Variants in CELF2 observed in about 807,000 individuals in gnomAD.
CELF2 encodes CUG triplet repeat RNA-binding protein 2.
Under a neutral mutation model 62.6 loss-of-function variants are expected in CELF2, and 8 were observed. The ratio of observed to expected loss-of-function variants is 0.13; its 90% confidence interval spans 0.07 to 0.23. The LOEUF (loss-of-function observed/expected upper bound fraction) is 0.23, where lower values mean the gene tolerates loss of function less well. CELF2 is among the 10% of genes least tolerant of loss of function. The pLI is 1.00. For synonymous variants in CELF2, 258 were observed against 250.0 expected, an observed-to-expected ratio of 1.03 and a Z score of -0.30; for missense variants, 333 against 671.0, an observed-to-expected ratio of 0.50 and a Z score of 5.56.
the CELF2 span, among the ~76,000 whole-genome samples, chr10:10,778,576 T>G: frequency 4.2e-3 from 638 of 152,330 alleles, 5 homozygotes; most frequent in African/African-American, 0.014. Flanking sequence ...GTATTGCCCT[T>G]TTTATTACCC....
chr10:11,001,791 GA>G (rs1188945945), upstream of CELF2, among the ~76,000 whole-genome samples: 3 of 150,568 alleles, frequency 2.0e-5, no homozygotes, highest in East Asian at 1.9e-4. Flanking sequence ...TTTTTTTTTG[GA>G]AAAAAAGAAA....
chr10:11,036,644 C>T (rs148476081), intron 1 of CELF2, among the ~76,000 whole-genome samples: 11 of 152,250 alleles, frequency 7.2e-5, no homozygotes, highest in Middle Eastern at 3.4e-3. Context: ...TGTATTGATC[C>T]CTTTTAGCCT....
the CELF2 span, among the ~76,000 whole-genome samples, chr10:10,755,948 C>T: frequency 6.6e-6 from 1 of 152,178 alleles, no homozygotes; most frequent in Non-Finnish European, 1.5e-5. Context: ...TAATGACCAT[C>T]CCTCTGTTGT....
In CELF2 at chr10:11,232,644, G is replaced by A. The variant is rs186558866; in HGVS notation, c.354+15137G>A. ...TCCTCCTGAGATGTGCCTTGATGAT[G>A]TTGCCTTGATGATGTTGCATGGTAC... is the stretch of plus-strand genomic sequence containing the variant. On this transcript the variant is annotated intron_variant, in intron 3 of 12. Transcript: ENST00000633077. Among the ~76,000 whole-genome samples, 298 of 152,240 alleles carry A rather than the reference G, an allele frequency of 2.0e-3. 1 individual carries two copies. Among genetic ancestry groups the A allele is most frequent in the Middle Eastern group, 6.8e-3 (2 of 294 alleles).
chr10:10,630,000 G>C, the CELF2 span, among the ~76,000 whole-genome samples: 3 of 150,776 alleles, frequency 2.0e-5, no homozygotes, highest in African/African-American at 7.3e-5. Flanking sequence ...ATTATTCTGC[G>C]TTCTCCCACT....
chr10:10,487,946 C>T, the CELF2 span, among the ~76,000 whole-genome samples: 1 of 151,926 alleles, frequency 6.6e-6, no homozygotes, highest in Non-Finnish European at 1.5e-5. Flanking sequence ...AATGCATAAT[C>T]ATTACATAAT....
At chr10:10,796,820 A>G (rs2054165429), upstream of CELF2, 1 of 845,070 alleles carries the variant, frequency 1.2e-6, no homozygotes, top group African/African-American at 1.8e-5. Context: ...GCACATGATT[A>G]CGCTGTGGTC....
At chr10:10,999,712 A>G (rs891822082) in intron 2 of CELF2, among the ~76,000 whole-genome samples, 1 of 152,238 alleles carries the variant, frequency 6.6e-6, no homozygotes, top group Non-Finnish European at 1.5e-5. Context: ...GATCATATGA[A>G]TTGCCATATT....
the CELF2 span, among the ~76,000 whole-genome samples, chr10:10,513,686 C>G: frequency 6.6e-6 from 1 of 152,112 alleles, no homozygotes; most frequent in Admixed American, 6.5e-5. Flanking sequence ...TATCTTAAAT[C>G]TCTAAATTAT....
At chr10:11,249,230 T>TTA in intron 4 of CELF2, 29 bp downstream of exon 4, 1 of 1,564,658 alleles carries the variant, frequency 6.4e-7, no homozygotes, top group Non-Finnish European at 8.8e-7. Flanking sequence ...TCTTGCTTAA[T>TTA]AATAATATCT....
intron 2 of CELF2, among the ~76,000 whole-genome samples, chr10:10,955,753 C>A (rs577000007): frequency 6.6e-6 from 1 of 152,272 alleles, no homozygotes; most frequent in South Asian, 2.1e-4. Flanking sequence ...CTCTTATATA[C>A]AGCAATTTCA....
the CELF2 span, among the ~76,000 whole-genome samples, chr10:10,574,520 A>C: frequency 6.6e-6 from 1 of 152,190 alleles, no homozygotes; most frequent in African/African-American, 2.4e-5. Flanking sequence ...ATAAATTTTT[A>C]ATTCAAAGAG....
intron 1 of CELF2, among the ~76,000 whole-genome samples, chr10:11,021,399 A>C (rs979731478): frequency 6.6e-6 from 1 of 152,236 alleles, no homozygotes; most frequent in African/African-American, 2.4e-5. Context: ...AACTGGCAAA[A>C]TATCTATCAG....
the CELF2 span, among the ~76,000 whole-genome samples, chr10:10,729,606 C>A: frequency 6.6e-6 from 1 of 151,594 alleles, no homozygotes; most frequent in Non-Finnish European, 1.5e-5. Flanking sequence ...GACTCCGTTT[C>A]CAAAACAAAC....
rs1183164876 is a variant in CELF2 at position 11,306,879 on chromosome 10, C to T, written c.977-7260C>T. 2.6e-5 allele frequency among the ~76,000 whole-genome samples: 4 copies of T among 152,290 alleles called. No individual in the cohort carries two copies. In the East Asian group the frequency reaches 7.7e-4, roughly 29 times the overall value. On this transcript the variant is annotated intron_variant, in intron 9 of 12. Coordinates refer to ENST00000633077, the MANE Select transcript of CELF2 (RefSeq NM_001326342.2). This position sits in a 1 kb window ranked among gnomAD's most constrained non-coding sequence, Gnocchi z 4.4. ...ATAGGAAGCCAGGGTGTAAAGAGAC[C>T]TAATTTGCATATTGATTCATTGTCA... is the stretch of plus-strand genomic sequence containing the variant.
At position 11,191,022 on chromosome 10, in the gene CELF2, T is replaced by C. The variant is rs1396053777; in HGVS notation, c.271+25340T>C. Among the ~76,000 whole-genome samples the C allele has an allele frequency of 6.6e-6, 1 of 152,148 alleles. No individual in the cohort carries two copies. Among genetic ancestry groups the C allele is most frequent in the African/African-American group, 2.4e-5 (1 of 41,436 alleles). On this transcript the variant is annotated intron_variant, in intron 2 of 12. Transcript: ENST00000633077. The surrounding 1 kb of genome is among the most constrained non-coding windows in gnomAD (Gnocchi z 4.1). ...ATGTATTTAATGCTGCTGACCTTCA[T>C]GGACATCCTGGTCATGTGTACAGAA... is the stretch of plus-strand genomic sequence containing the variant.
chr10:11,307,207 C>T (rs1468893911), intron 9 of CELF2, among the ~76,000 whole-genome samples: 2 of 152,276 alleles, frequency 1.3e-5, no homozygotes, highest in African/African-American at 4.8e-5. Context: ...GGGCGAAGCA[C>T]TCTCTAGAAG....
the CELF2 span, among the ~76,000 whole-genome samples, chr10:10,749,304 G>A: frequency 6.6e-6 from 1 of 152,122 alleles, no homozygotes; most frequent in Non-Finnish European, 1.5e-5. Context: ...CATTACAGAA[G>A]GCATATCACC....
chr10:10,762,460 G>A, the CELF2 span, among the ~76,000 whole-genome samples: 1 of 152,186 alleles, frequency 6.6e-6, no homozygotes, highest in Admixed American at 6.5e-5. Flanking sequence ...AGAATTTCGT[G>A]CAAGAGGGAA....
Sources: allele counts gnomAD v4.1 joint callset (sites outside exome capture counted in the v4.1 genomes callset), GRCh38; gene constraint gnomAD v4.1.1; non-coding constraint Gnocchi (gnomAD v3.1); transcripts MANE v1.5; gene names NCBI Gene and HGNC (gene_info 2026-07-23, HGNC 2026-07-21).